KRT4: variants seen among roughly 807,000 people sequenced by gnomAD.
KRT4 encodes the protein keratin 4.
In KRT4, 47 loss-of-function variants were observed where a neutral mutation model predicts 50.6. That is an observed-to-expected ratio of 0.93 (90% CI 0.73 to 1.18). The LOEUF is 1.18. KRT4 is among the 50% of genes most tolerant of loss of function. KRT4 has a pLI of 0.00. For synonymous variants in KRT4, 254 were observed against 251.2 expected (o/e 1.01, Z -0.10); for missense variants, 651 against 645.7 (o/e 1.01, Z -0.09).
At chr12:52,809,605 G>C (rs1388565387) in intron 3 of KRT4, 127 bp from the exon 4 acceptor site, 2 of 739,696 alleles carry the variant, frequency 2.7e-6, no homozygotes, top group African/African-American at 3.5e-5. Context: ...AGGGGAGCTG[G>C]TGGGAGACCA....
chr12:52,807,529 CT>C (rs1238089424), intron 7 of KRT4, 114 bp downstream of exon 7: 20 of 1,494,916 alleles, frequency 1.3e-5, no homozygotes, highest in Non-Finnish European at 1.9e-5. Context: ...CTGAGCTGTC[CT>C]GGTTCGTAAT....
chr12:52,810,776 C>A lies in KRT4; in HGVS notation c.718G>T (p.Asp240Tyr). ...CTTACCTTCTTTAGGACCACAAAGTCATTCTCGGCTGCTGTGCGTTTGTTG... is the reference window on the plus strand; with the variant it reads ...CTTACCTTCTTTAGGACCACAAAGTAATTCTCGGCTGCTGTGCGTTTGTTG... ...EINKRTAAEN[D>Y]FVVLKKDVDA... Residue 240 changes from aspartate (D) to tyrosine (Y), a missense_variant, in exon 3 of 9, where the codon GAC becomes TAC. Physicochemically the swap from Asp to Tyr is radical, Grantham distance 160. Transcript: ENST00000551956. The A allele has an allele frequency of 6.2e-7, 1 of 1,614,158 alleles. No homozygotes were observed. The highest frequency in any genetic ancestry group is 8.5e-7 in the Non-Finnish European group (1 of 1,180,008).
rs1284661944 is a variant in KRT4, at chr12:52,807,079, T to C, written c.1553A>G (p.Lys518Arg). The C allele has an allele frequency of 6.2e-7, 1 of 1,614,104 alleles. No homozygotes were observed. Among genetic ancestry groups the C allele is most frequent in the African/African-American group, 1.3e-5 (1 of 75,016 alleles). Residue 518 changes from lysine to arginine, a missense_variant, in exon 9 of 9, where the codon AAG (lysine) becomes AGG (arginine). Transcript: ENST00000551956. ...SKIISTTTLN[K>R]RR The stretch of plus-strand genomic sequence containing the variant: ...GGGACCTCGTCTCCTCTATCGTCTC[T>C]TGTTCAGGGTGGTGGTAGAGATGAT...
rs1235903322 is a variant in KRT4 at position 52,813,622 on chromosome 12, T to A, written c.437A>T (p.Asn146Ile). The change falls in exon 1 of 9, where the codon AAC becomes ATC. Residue 146 changes from asparagine (N) to isoleucine (I), a missense_variant. Coordinates refer to ENST00000551956, the MANE Select transcript of KRT4 (RefSeq NM_002272.4). Reference sequence around the variant, plus strand: ...CTTGTCGATGAAGGAGGCAAACTTGTTGTTGAGGAGCTTGATCTGTTCGCG... The same window carrying A: ...CTTGTCGATGAAGGAGGCAAACTTGATGTTGAGGAGCTTGATCTGTTCGCG... ...EEREQIKLLN[N>I]KFASFIDKVQ... is the part of the protein sequence containing the mutation. 7 of 1,613,912 alleles carry A rather than the reference T, an allele frequency of 4.3e-6. No individual in the cohort carries two copies. Among genetic ancestry groups the A allele is most frequent in the Non-Finnish European group, 5.9e-6 (7 of 1,179,978 alleles).
intron 4 of KRT4, 95 bp downstream of exon 4, chr12:52,809,288 G>T: frequency 1.1e-6 from 1 of 926,390 alleles, no homozygotes; most frequent in Non-Finnish European, 1.8e-6. Flanking sequence ...AAATAAGGGA[G>T]CTGGAGTCCT....
At chr12:52,813,460 C>T (rs1939945887) in intron 1 of KRT4, 137 bp downstream of exon 1, 1 of 786,874 alleles carries the variant, frequency 1.3e-6, no homozygotes. Flanking sequence ...TCATGATGCC[C>T]CTTCAACAGC....
chr12:52,809,245 T>C (rs1939863321), intron 4 of KRT4, 138 bp downstream of exon 4: 1 of 752,036 alleles, frequency 1.3e-6, no homozygotes, highest in Non-Finnish European at 2.4e-6. Context: ...CAAACCTTTC[T>C]ATGCATGACC....
intron 5 of KRT4, 82 bp from the exon 6 acceptor site, chr12:52,808,501 G>A: frequency 6.3e-7 from 1 of 1,590,220 alleles, no homozygotes; most frequent in South Asian, 1.1e-5. Context: ...AGTGAGAATT[G>A]CCACAGGTGG....
rs1204916001 is a variant in KRT4, at chr12:52,808,671, A to T, written c.999+15T>A. 6.2e-7 allele frequency: 1 copy of T among 1,613,958 alleles called. No individual in the cohort carries two copies. Among genetic ancestry groups the T allele is most frequent in the South Asian group, 1.1e-5 (1 of 91,072 alleles). On this transcript the variant is annotated intron_variant, in intron 5 of 8. Coordinates refer to ENST00000551956, the MANE Select transcript of KRT4 (RefSeq NM_002272.4). ...CAGAGCCAGCCCCATCTCCTGAGAG[A>T]TCCATACCACCCACCTTGGTCTGGT...
intron 6 of KRT4, 70 bp downstream of exon 6, chr12:52,808,224 T>C (rs1939836059): frequency 1.9e-6 from 3 of 1,583,620 alleles, no homozygotes; most frequent in Non-Finnish European, 2.6e-6. Context: ...CTTTATCTGC[T>C]TGTCCACTCT....
intron 4 of KRT4, chr12:52,809,142 A>G (rs1194155386): frequency 1.6e-6 from 1 of 624,106 alleles, no homozygotes; most frequent in Non-Finnish European, 2.9e-6. Context: ...GACAGCAATG[A>G]ATTCTATTCC....
In KRT4 at chr12:52,813,747, G is replaced by C; in HGVS notation, c.312C>G (p.Cys104Trp). 9.8e-7 allele frequency: 1 copy of C among 1,017,720 alleles called. No individual in the cohort carries two copies. Among genetic ancestry groups the C allele is most frequent in the Non-Finnish European group, 1.2e-6 (1 of 848,578 alleles). 63.0% of individuals were successfully genotyped at this position (1,017,720 alleles called of 1,614,324 possible). A position where few individuals can be genotyped will look rare whatever the true frequency, so the allele number is the denominator to read the frequency against. Reference sequence around the variant, plus strand: ...TGACCTCCTGAATTCCCCCAGCGGGGCAGACGGGGAAGCCAGGGCCACCCT... The same window carrying C: ...TGACCTCCTGAATTCCCCCAGCGGGCCAGACGGGGAAGCCAGGGCCACCCT... ...SGKGGPGFPVCPAGGIQEVTI... is the reference protein window; with the variant it reads ...SGKGGPGFPVWPAGGIQEVTI... Residue 104 changes from cysteine to tryptophan, a missense_variant, in exon 1 of 9, where the codon TGC becomes TGG. Transcript: ENST00000551956.
chr12:52,809,490 T>C lies in KRT4; in HGVS notation c.739-12A>G. Reference sequence around the variant, plus strand: ...GCAGCATCCACGTCCTGCAGAGGAGTAAGGAGGATAAGAGATGAGGAGCAG... The same window carrying C: ...GCAGCATCCACGTCCTGCAGAGGAGCAAGGAGGATAAGAGATGAGGAGCAG... On this transcript the variant is annotated splice_polypyrimidine_tract_variant and intron_variant, in intron 3 of 8. Coordinates refer to ENST00000551956, the MANE Select transcript of KRT4 (RefSeq NM_002272.4). 6.3e-7 allele frequency: 1 copy of C among 1,591,508 alleles called. No homozygotes were observed. The highest frequency in any genetic ancestry group is 8.6e-7 in the Non-Finnish European group (1 of 1,159,778).
rs2121242880 is a variant in KRT4, at chr12:52,806,969, T to C, written c.*100A>G. 8.7e-7 allele frequency: 1 copy of C among 1,154,166 alleles called. No individual in the cohort carries two copies. The highest frequency in any genetic ancestry group is 1.3e-6 in the Non-Finnish European group (1 of 773,562). The allele number at this position is 1,154,166 out of a possible 1,614,324, so 71.5% of individuals were successfully genotyped here. A position where few individuals can be genotyped will look rare whatever the true frequency, so the allele number is the denominator to read the frequency against. On this transcript the variant is annotated 3_prime_UTR_variant, in exon 9 of 9. Transcript: ENST00000551956. Reference sequence around the variant, plus strand: ...GATAGTGGAGGGGATACTAGTAAGATGAGCCCCAGAGACAGAGGATGGAGG... The same window carrying C: ...GATAGTGGAGGGGATACTAGTAAGACGAGCCCCAGAGACAGAGGATGGAGG...
At chr12:52,809,338 G>A (rs749352847) in intron 4 of KRT4, 45 bp downstream of exon 4, 1 of 1,407,504 alleles carries the variant, frequency 7.1e-7, no homozygotes, top group South Asian at 1.2e-5. Context: ...CGTCACAGAT[G>A]GGGGATTCCC....
intron 7 of KRT4, 29 bp from the exon 8 acceptor site, chr12:52,807,422 T>G: frequency 6.2e-7 from 1 of 1,613,974 alleles, no homozygotes; most frequent in Non-Finnish European, 8.5e-7. Flanking sequence ...GCGGTGAGCC[T>G]CAGGGAGCAC....
chr12:52,806,958 T>C lies in KRT4; in HGVS notation c.*111A>G. The C allele has an allele frequency of 9.9e-7, 1 of 1,014,872 alleles. No individual in the cohort carries two copies. The highest frequency in any genetic ancestry group is 1.5e-6 in the Non-Finnish European group (1 of 653,066). The allele number at this position is 1,014,872 out of a possible 1,614,324, so 62.9% of individuals were successfully genotyped here. ...AGAGCCCATGGGATAGTGGAGGGGA[T>C]ACTAGTAAGATGAGCCCCAGAGACA... is the stretch of plus-strand genomic sequence containing the variant. On this transcript the variant is annotated 3_prime_UTR_variant, in exon 9 of 9. Transcript: ENST00000551956.
chr12:52,807,090 G>T lies in KRT4; in HGVS notation c.1542C>A (p.Thr514=). The stretch of plus-strand genomic sequence containing the variant: ...TCCTCTATCGTCTCTTGTTCAGGGT[G>T]GTGGTAGAGATGATCTTGCTGCTGG... The part of the protein sequence containing the change: ...GSSSSKIIST[T]TLNKRR Residue 514 remains threonine, a synonymous_variant, in exon 9 of 9, where the codon ACC becomes ACA. Coordinates refer to ENST00000551956, the MANE Select transcript of KRT4 (RefSeq NM_002272.4). 1.9e-6 allele frequency: 3 copies of T among 1,614,156 alleles called. No homozygotes were observed. The South Asian group carries it at 3.3e-5, about 18-fold the overall frequency.
At chr12:52,810,332 G>C (rs916447321) in intron 3 of KRT4, among the ~76,000 whole-genome samples, 2 of 152,146 alleles carry the variant, frequency 1.3e-5, no homozygotes, top group African/African-American at 4.8e-5. Flanking sequence ...CGGATGACCT[G>C]AGGTCAGGAG....
Sources: allele counts gnomAD v4.1 joint callset (sites outside exome capture counted in the v4.1 genomes callset), GRCh38; gene constraint gnomAD v4.1.1; transcripts MANE v1.5; gene names NCBI Gene and HGNC (gene_info 2026-07-23, HGNC 2026-07-21).